Variants in SSC4D observed in about 807,000 individuals in gnomAD.
SSC4D encodes scavenger receptor cysteine-rich domain-containing group B protein.
In SSC4D, 57 loss-of-function variants were observed where a neutral mutation model predicts 63.4. The ratio of observed to expected loss-of-function variants is 0.90; its 90% CI spans 0.73 to 1.12. The LOEUF (loss-of-function observed/expected upper bound fraction) is 1.12. Among genes scored for constraint, SSC4D ranks in the 50% most tolerant of loss-of-function variants. SSC4D has a pLI of 0.00. For missense variants in SSC4D, 791 were observed against 806.4 expected (o/e 0.98, Z 0.23); for synonymous variants, 352 against 345.4 (o/e 1.02, Z -0.21).
At chr7:76,394,855 A>T (rs895430284) in intron 7 of SSC4D, among the ~76,000 whole-genome samples, 1 of 143,910 alleles carries the variant, frequency 6.9e-6, no homozygotes, top group African/African-American at 2.7e-5. Flanking sequence ...AGATATATAT[A>T]ATATATATAA....
chr7:76,391,847 C>G, intron 10 of SSC4D, 117 bp downstream of exon 10: 2 of 1,077,202 alleles, frequency 1.9e-6, no homozygotes, highest in South Asian at 2.7e-5. Context: ...AAGGACAAGA[C>G]TTCCAGGTCC....
intron 7 of SSC4D, among the ~76,000 whole-genome samples, chr7:76,394,763 AT>A (rs1275936346): frequency 1.8e-4 from 26 of 144,550 alleles, no homozygotes; most frequent in African/African-American, 4.3e-4. Context: ...ATATATATAT[AT>A]ATATAAAATA....
chr7:76,404,729 G>A (rs1470240022), intron 1 of SSC4D, among the ~76,000 whole-genome samples: 6 of 152,054 alleles, frequency 3.9e-5, no homozygotes, highest in South Asian at 2.1e-4. Flanking sequence ...CCAGGAGATC[G>A]AGATATAGCC....
rs1300072843 is a variant in SSC4D at position 76,397,564 on chromosome 7, A to T, written c.822T>A (p.Gly274=). ...RLAACQSLGW[G]VHNCGHHEDA... ...CCTCGTGGTGGCCGCAGTTGTGCAC[A>T]CCCCAGCCCAGGCTCTGGCAGGCTG... The change falls in exon 6 of 11, where the codon GGT becomes GGA. Residue 274 remains glycine (G), a synonymous_variant. Transcript: ENST00000275560. The T allele has an allele frequency of 6.2e-7, 1 of 1,604,652 alleles. No individual in the cohort carries two copies. The highest frequency in any genetic ancestry group is 2.2e-5 in the East Asian group (1 of 44,552).
At chr7:76,407,005 G>A (rs1269970735) in intron 1 of SSC4D, among the ~76,000 whole-genome samples, 1 of 152,092 alleles carries the variant, frequency 6.6e-6, no homozygotes, top group South Asian at 2.1e-4. Context: ...CTGTCACCCA[G>A]GCTGTAGTGC....
At chr7:76,392,966 T>C (rs1237220285) in intron 9 of SSC4D, among the ~76,000 whole-genome samples, 1 of 152,184 alleles carries the variant, frequency 6.6e-6, no homozygotes, top group Non-Finnish European at 1.5e-5. Flanking sequence ...TCTGCCAAAC[T>C]GCAAACACCC....
In SSC4D at chr7:76,397,729, C is replaced by T. The variant is rs778331965; in HGVS notation, c.657G>A (p.Gly219=). ...LWGTVCDDDW[G]LPDAAVVCRQ... ...GACAGACCACAGCGGCATCCGGCAG[C>T]CCCCAGTCGTCGTCACACACGGTGC... Residue 219 remains glycine, a synonymous_variant, in exon 6 of 11, where the codon GGG becomes GGA. Coordinates refer to ENST00000275560, the MANE Select transcript of SSC4D (RefSeq NM_080744.2). 1.2e-5 allele frequency: 19 copies of T among 1,613,340 alleles called. No individual in the cohort carries two copies. The South Asian group carries it at 2.0e-4, about 17-fold the overall frequency.
intron 1 of SSC4D, among the ~76,000 whole-genome samples, chr7:76,405,630 A>C (rs576040563): frequency 2.6e-5 from 4 of 152,154 alleles, no homozygotes; most frequent in African/African-American, 9.6e-5. Context: ...GGTCAGCTTC[A>C]GGGGAAAATG....
At position 76,399,085 on chromosome 7, in the gene SSC4D, T is replaced by C. The variant is rs181410790; in HGVS notation, c.476-288A>G. ...GGAGTGCAATGGTGCAATCTCAGCT[T>C]GCTGCAACCTCCGCCTCCCTGGTTA... On this transcript the variant is annotated intron_variant, in intron 4 of 10. Coordinates refer to ENST00000275560, the MANE Select transcript of SSC4D (RefSeq NM_080744.2). Among the ~76,000 whole-genome samples the C allele has an allele frequency of 3.0e-3, 458 of 152,054 alleles. 3 individuals carry two copies. Among genetic ancestry groups the C allele is most frequent in the African/African-American group, 0.01 (432 of 41,486 alleles).
chr7:76,391,233 T>A (rs1966269), intron 10 of SSC4D, among the ~76,000 whole-genome samples: 78,245 of 151,836 alleles, frequency 0.52, 21,060 homozygotes, highest in African/African-American at 0.65. Flanking sequence ...CAGGAGTTCG[T>A]GACCAGCCTG....
intron 1 of SSC4D, among the ~76,000 whole-genome samples, chr7:76,409,036 A>G (rs1444019737): frequency 1.3e-5 from 2 of 152,158 alleles, no homozygotes; most frequent in African/African-American, 2.4e-5. Flanking sequence ...ATGTTTTCAC[A>G]AGGCTTAGCC....
intron 10 of SSC4D, among the ~76,000 whole-genome samples, chr7:76,391,646 A>G (rs1332939668): frequency 1.3e-5 from 2 of 152,078 alleles, no homozygotes; most frequent in Non-Finnish European, 2.9e-5. Context: ...CCTGAAGGTC[A>G]TCACGGTCTC....
At position 76,393,702 on chromosome 7, in the gene SSC4D, G is replaced by A; in HGVS notation, c.1036C>T (p.Leu346=). The A allele has an allele frequency of 2.9e-6, 4 of 1,393,480 alleles. No homozygotes were observed. In the South Asian group the frequency reaches 6.5e-5, roughly 23 times the overall value. The allele number at this position is 1,393,480 out of a possible 1,614,324, so 86.3% of individuals were successfully genotyped here. Residue 346 remains leucine, a synonymous_variant, in exon 9 of 11, where the codon CTG becomes TTG. Coordinates refer to ENST00000275560, the MANE Select transcript of SSC4D (RefSeq NM_080744.2). ...AAGKKSGRLR[L]VGGPGPCRGR... ...CGGCACGGACCCGGGCCGCCCACCAGTCGCAGCCGTCCACCTGCGGGGCGC... is the reference window on the plus strand; with the variant it reads ...CGGCACGGACCCGGGCCGCCCACCAATCGCAGCCGTCCACCTGCGGGGCGC...
chr7:76,400,256 T>TGTCCCTCCAG, intron 4 of SSC4D, 30 bp downstream of exon 4: 1 of 1,436,742 alleles, frequency 7.0e-7, no homozygotes, highest in Middle Eastern at 1.9e-4. Flanking sequence ...ACAGTCTGTC[T>TGTCCCTCCAG]GTCCCTCCAG....
Position 76,390,020 on chromosome 7 carries a change from A to T in SSC4D, c.*39T>A, listed in dbSNP as rs1274218480. 8.1e-6 allele frequency: 13 copies of T among 1,612,110 alleles called. No homozygotes were observed. The highest frequency in any genetic ancestry group is 1.3e-5 in the African/African-American group (1 of 74,920). On this transcript the variant is annotated 3_prime_UTR_variant, in exon 11 of 11. Transcript: ENST00000275560. ...TTCCTGGAGGAGGAAGGGAGGTCACAGCTCCCAGAAGAAGAGGTGGTCTGC... is the reference window on the plus strand; with the variant it reads ...TTCCTGGAGGAGGAAGGGAGGTCACTGCTCCCAGAAGAAGAGGTGGTCTGC...
At position 76,393,665 on chromosome 7, in the gene SSC4D, T is replaced by C; in HGVS notation, c.1073A>G (p.Glu358Gly). 6.9e-7 allele frequency: 1 copy of C among 1,445,476 alleles called. No homozygotes were observed. Among genetic ancestry groups the C allele is most frequent in the Non-Finnish European group, 9.0e-7 (1 of 1,105,980 alleles). 89.5% of individuals were successfully genotyped at this position (1,445,476 alleles called of 1,614,324 possible). ...GGPGPCRGRV[E>G]VLHAGGWGTV... is the part of the protein sequence containing the mutation. ...GCCCCAGCCCCCGGCGTGCAACACC[T>C]CCACGCGGCCGCGGCACGGACCCGG... Residue 358 changes from glutamate (E) to glycine (G), a missense_variant, in exon 9 of 11, where the codon GAG becomes GGG. By Grantham distance (98) the Glu-to-Gly change is moderately conservative. Transcript: ENST00000275560.
At chr7:76,394,241 A>G (rs897978762) in intron 7 of SSC4D, among the ~76,000 whole-genome samples, 3 of 151,694 alleles carry the variant, frequency 2.0e-5, no homozygotes, top group African/African-American at 7.3e-5. Flanking sequence ...CATCCCATTG[A>G]AAAAAAAGTT....
Position 76,393,606 on chromosome 7 carries a change from C to T in SSC4D, c.1132G>A (p.Ala378Thr). ...CCCGCTTCGCGGCAGGCCACGCGCG[C>T]GTCCGCAAAGTCCCAGTCATCGTCG... Reference protein sequence around the residue: ...VCDDDWDFADARVACREAGCG... With the variant: ...VCDDDWDFADTRVACREAGCG... The change falls in exon 9 of 11, where the codon GCG becomes ACG. Residue 378 changes from alanine to threonine, a missense_variant. Transcript: ENST00000275560. 1 of 1,504,564 alleles carries T rather than the reference C, an allele frequency of 6.6e-7. No homozygotes were observed. The highest frequency in any genetic ancestry group is 8.8e-7 in the Non-Finnish European group (1 of 1,133,216). The allele number at this position is 1,504,564 out of a possible 1,614,324, so 93.2% of individuals were successfully genotyped here.
At chr7:76,390,428 C>T in intron 10 of SSC4D, 53 bp from the exon 11 acceptor site, 3 of 1,504,390 alleles carry the variant, frequency 2.0e-6, no homozygotes, top group Non-Finnish European at 2.7e-6. Flanking sequence ...CAGGCCACTC[C>T]CAAGCTAGGT....
Sources: gnomAD v4.1 joint callset for allele counts (sites outside exome capture counted in the v4.1 genomes callset) on GRCh38, gnomAD v4.1.1 for gene constraint, MANE v1.5 for transcripts, NCBI Gene and HGNC (gene_info 2026-07-23, HGNC 2026-07-21) for gene names.